LRP12: variants seen among roughly 807,000 people sequenced by gnomAD.
The protein encoded by LRP12 is LDL receptor related protein 12, also known as low-density lipoprotein receptor-related protein 12.
Under a neutral mutation model 66.0 loss-of-function variants are expected in LRP12, and 14 were observed. The observed-to-expected ratio is 0.21, with a 90% CI of 0.14 to 0.33. The LOEUF (loss-of-function observed/expected upper bound fraction) is 0.33, where lower values mean the gene tolerates loss of function less well. LRP12 is among the 10% of genes least tolerant of loss of function. The pLI, the probability that LRP12 is intolerant of heterozygous loss-of-function variation, is 1.00. For synonymous variants in LRP12, 357 were observed against 359.1 expected (o/e 0.99, Z 0.07); for missense variants, 889 against 1,053.4 (o/e 0.84, Z 2.16).
intron 1 of LRP12, among the ~76,000 whole-genome samples, chr8:104,587,581 C>A (rs1812353590): frequency 6.6e-6 from 1 of 152,204 alleles, no homozygotes; most frequent in Admixed American, 6.5e-5. Flanking sequence ...AAAAGAATTT[C>A]TTGGCTGTCA....
At chr8:104,541,153 G>A (rs535377640) in intron 1 of LRP12, among the ~76,000 whole-genome samples, 2 of 152,274 alleles carry the variant, frequency 1.3e-5, no homozygotes, top group South Asian at 2.1e-4. Context: ...TAATGACAAC[G>A]AACTACTATA....
intron 3 of LRP12, chr8:104,506,824 A>C (rs1810917314): frequency 1.3e-5 from 2 of 152,308 alleles, no homozygotes; most frequent in Non-Finnish European, 2.9e-5. Context: ...ATCTTAAGCA[A>C]GTTTTATACA....
Position 104,491,052 on chromosome 8 carries a change from G to C in LRP12, c.2201C>G (p.Thr734Ser), listed in dbSNP as rs772696486. 4 of 1,614,128 alleles carry C rather than the reference G, an allele frequency of 2.5e-6. No homozygotes were observed. Among genetic ancestry groups the C allele is most frequent in the South Asian group, 2.2e-5 (2 of 91,076 alleles). Residue 734 changes from threonine to serine, a missense_variant, in exon 7 of 7, where the codon ACT becomes AGT. Thr to Ser is a moderately conservative substitution (Grantham distance 58). Coordinates refer to ENST00000276654, the MANE Select transcript of LRP12 (RefSeq NM_013437.5). ...AAAACGTACCCAGCGTAGCCCCTGAGTCATACGACTGAGTGCACTTGTAAG... is the reference window on the plus strand; with the variant it reads ...AAAACGTACCCAGCGTAGCCCCTGACTCATACGACTGAGTGCACTTGTAAG... The part of the protein sequence containing the change: ...HQLTSALSRM[T>S]QGLRWVRFTL...
chr8:104,499,173 A>T, intron 4 of LRP12, 144 bp downstream of exon 4: 1 of 601,552 alleles, frequency 1.7e-6, no homozygotes, highest in Non-Finnish European at 2.8e-6. Context: ...AGGGCATCTA[A>T]CTTTAGCTTC....
intron 1 of LRP12, among the ~76,000 whole-genome samples, chr8:104,548,745 G>A (rs961575206): frequency 6.6e-6 from 1 of 150,502 alleles, no homozygotes; most frequent in African/African-American, 2.4e-5. Context: ...GGGAGTTCGA[G>A]ACCAGCCTGA....
At chr8:104,579,336 TA>T (rs1283386873) in intron 1 of LRP12, among the ~76,000 whole-genome samples, 2 of 151,366 alleles carry the variant, frequency 1.3e-5, no homozygotes, top group Non-Finnish European at 2.9e-5. Context: ...ACAACTGCCA[TA>T]AAAAGAATAA....
At chr8:104,566,079 C>T (rs1223409949) in intron 1 of LRP12, 2 of 222,082 alleles carry the variant, frequency 9.0e-6, no homozygotes, top group Non-Finnish European at 1.7e-5. Context: ...GGCTTGTTGG[C>T]ACTGTCATAG....
At chr8:104,525,464 A>G (rs1003806033) in intron 2 of LRP12, among the ~76,000 whole-genome samples, 1 of 152,180 alleles carries the variant, frequency 6.6e-6, no homozygotes. Flanking sequence ...AGAACAAATT[A>G]TTCCAAGTAC....
chr8:104,501,476 G>T (rs990176021), intron 3 of LRP12, among the ~76,000 whole-genome samples: 1 of 152,124 alleles, frequency 6.6e-6, no homozygotes, highest in Admixed American at 6.6e-5. Context: ...GAGGTGGGCA[G>T]ATCACTTGAG....
At chr8:104,571,276 C>T (rs930474696) in intron 1 of LRP12, among the ~76,000 whole-genome samples, 5 of 152,156 alleles carry the variant, frequency 3.3e-5, no homozygotes, top group African/African-American at 7.2e-5. Flanking sequence ...GGGCCGTGGC[C>T]TATTAGGAAG....
At chr8:104,580,295 T>C (rs954415072) in intron 1 of LRP12, among the ~76,000 whole-genome samples, 13 of 149,154 alleles carry the variant, frequency 8.7e-5, no homozygotes, top group African/African-American at 3.0e-4. Context: ...GGCAGGTGGA[T>C]CACGAGGTCA....
intron 3 of LRP12, among the ~76,000 whole-genome samples, chr8:104,500,223 C>G (rs1020623749): frequency 5.9e-5 from 9 of 152,156 alleles, no homozygotes; most frequent in African/African-American, 1.9e-4. Flanking sequence ...TTTACAATAT[C>G]TGAATATGCC....
In LRP12 at chr8:104,589,048, GA is replaced by G; in HGVS notation, c.-152del. ...CTCCGCGGCTGCGGGAGGGGGAAGG[GA>G]GGGGCCGCCGCCGCCCGCGCGCGCT... On this transcript the variant is annotated 5_prime_UTR_variant, in exon 1 of 7. Transcript: ENST00000276654. The G allele has an allele frequency of 5.2e-6, 2 of 386,496 alleles. No homozygotes were observed. The highest frequency in any genetic ancestry group is 8.7e-6 in the Non-Finnish European group (2 of 228,608). 23.9% of individuals were successfully genotyped at this position (386,496 alleles called of 1,614,324 possible).
At chr8:104,570,959 GAGA>G (rs1812070477) in intron 1 of LRP12, among the ~76,000 whole-genome samples, 2 of 152,162 alleles carry the variant, frequency 1.3e-5, no homozygotes, top group African/African-American at 2.4e-5. Flanking sequence ...AGAAGTATAT[GAGA>G]AGATGTTCAA....
intron 1 of LRP12, among the ~76,000 whole-genome samples, chr8:104,586,835 C>CTT (rs201507625): frequency 0.031 from 4,571 of 146,908 alleles, 221 homozygotes; most frequent in African/African-American, 0.11. Context: ...TCACTACCTC[C>CTT]TTTTTTTTTT....
intron 2 of LRP12, among the ~76,000 whole-genome samples, chr8:104,531,446 G>C (rs540518828): frequency 6.6e-6 from 1 of 152,146 alleles, no homozygotes; most frequent in South Asian, 2.1e-4. Flanking sequence ...ATGGACACAA[G>C]TATACTGTGT....
intron 1 of LRP12, among the ~76,000 whole-genome samples, chr8:104,563,135 C>T (rs1040491192): frequency 2.6e-5 from 4 of 152,124 alleles, no homozygotes; most frequent in Non-Finnish European, 5.9e-5. Context: ...ATTACGTGAC[C>T]TTGGCTAAGA....
chr8:104,500,673 A>C, intron 3 of LRP12, among the ~76,000 whole-genome samples: 1 of 152,250 alleles, frequency 6.6e-6, no homozygotes. Flanking sequence ...ACTGCACTCC[A>C]ACCTGGGCAA....
chr8:104,566,103 G>A, intron 1 of LRP12: 1 of 277,580 alleles, frequency 3.6e-6, no homozygotes, highest in African/African-American at 2.2e-5. Flanking sequence ...GTGTGCTGAA[G>A]ACCACTGGCC....
Sources: gnomAD v4.1 joint callset for allele counts (sites outside exome capture counted in the v4.1 genomes callset) on GRCh38, gnomAD v4.1.1 for gene constraint, MANE v1.5 for transcripts, NCBI Gene and HGNC (gene_info 2026-07-23, HGNC 2026-07-21) for gene names.